PPARA: variants seen among roughly 807,000 people sequenced by gnomAD.
PPARA encodes the protein peroxisome proliferator activated receptor alpha.
A neutral mutation model predicts 42.2 loss-of-function variants in PPARA; 22 were observed. That is an observed-to-expected ratio of 0.52 (90% CI 0.37 to 0.74). The LOEUF (loss-of-function observed/expected upper bound fraction) is 0.74. Among genes scored for constraint, PPARA ranks in the 30% least tolerant of loss-of-function variants. PPARA has a pLI of 0.00. For missense variants in PPARA, 465 were observed against 608.2 expected (o/e 0.76, Z 2.48); for synonymous variants, 242 against 239.3 (o/e 1.01, Z -0.10).
chr22:46,175,185 T>C (rs1264595342), intron 2 of PPARA, among the ~76,000 whole-genome samples: 1 of 151,936 alleles, frequency 6.6e-6, no homozygotes, highest in African/African-American at 2.4e-5. Context: ...TTTTAGGAAA[T>C]AATACAGAGA....
At chr22:46,174,007 C>CCTGGCCAACATGGAGAAACCCCG (rs58905114) in intron 2 of PPARA, among the ~76,000 whole-genome samples, 1 of 148,090 alleles carries the variant, frequency 6.8e-6, no homozygotes, top group African/African-American at 2.5e-5. Context: ...GATCGAGACC[C>CCTGGCCAACATGGAGAAACCCCG]TCTCTACTAA....
At position 46,162,135 on chromosome 22, in the gene PPARA, ATTTTTC is replaced by A. The variant is rs1391135039; in HGVS notation, c.-127+10166_-127+10171del. On this transcript the variant is annotated intron_variant, in intron 2 of 8. Transcript: ENST00000407236. The surrounding 1 kb of genome is among the most constrained non-coding windows in gnomAD (Gnocchi z 6.0). ...CTTAGCAGCTCTCAGATGCAGACAG[ATTTTTC>A]AGCTGGCCTGTGGCTCAGTTTCCCT... 1.3e-5 allele frequency among the ~76,000 whole-genome samples: 2 copies of A among 152,154 alleles called. No homozygotes were observed. The highest frequency in any genetic ancestry group is 1.3e-4 in the Admixed American group (2 of 15,276).
In PPARA at chr22:46,195,451, T is replaced by C. The variant is rs1284646777; in HGVS notation, c.-42-2891T>C. Among the ~76,000 whole-genome samples the C allele has an allele frequency of 2.7e-5, 4 of 148,808 alleles. No homozygotes were observed. The highest frequency in any genetic ancestry group is 1.0e-4 in the African/African-American group (4 of 39,198). ...GAGAAAGAAAGTCTTCTAAACCCTA[T>C]GAAAGGTTAACAGTTCTCTTATTTT... is the stretch of plus-strand genomic sequence containing the variant. On this transcript the variant is annotated intron_variant, in intron 3 of 8. Coordinates refer to ENST00000407236, the MANE Select transcript of PPARA (RefSeq NM_005036.6). The surrounding 1 kb of genome is among the most constrained non-coding windows in gnomAD (Gnocchi z 4.6).
In PPARA at chr22:46,180,441, G is replaced by C. The variant is rs1929787832; in HGVS notation, c.-43+3605G>C. 6.6e-6 allele frequency among the ~76,000 whole-genome samples: 1 copy of C among 152,144 alleles called. No individual in the cohort carries two copies. The highest frequency in any genetic ancestry group is 1.5e-5 in the Non-Finnish European group (1 of 68,028). On this transcript the variant is annotated intron_variant, in intron 3 of 8. Coordinates refer to ENST00000407236, the MANE Select transcript of PPARA (RefSeq NM_005036.6). This position sits in a 1 kb window ranked among gnomAD's most constrained non-coding sequence, Gnocchi z 4.2. ...TTAAGAAAGAATATTAATTTTCCTTGTGTGAAACATTAATCTTATCTAGCC... is the reference window on the plus strand; with the variant it reads ...TTAAGAAAGAATATTAATTTTCCTTCTGTGAAACATTAATCTTATCTAGCC...
At chr22:46,201,119 C>T (rs1272401446) in intron 4 of PPARA, among the ~76,000 whole-genome samples, 3 of 143,858 alleles carry the variant, frequency 2.1e-5, no homozygotes, top group Non-Finnish European at 4.5e-5. Context: ...AGCAAGATTC[C>T]GTCTCAAAAA....
At position 46,219,789 on chromosome 22, in the gene PPARA, G is replaced by C; in HGVS notation, c.509-23G>C. The C allele has an allele frequency of 6.2e-7, 1 of 1,613,504 alleles. No individual in the cohort carries two copies. Among genetic ancestry groups the C allele is most frequent in the South Asian group, 1.1e-5 (1 of 90,988 alleles). ...AGTCATGACCTCACTGCTCATGCCT[G>C]TGTTTCCCCCTCCAAACCCTAGCGA... On this transcript the variant is annotated intron_variant, in intron 6 of 8. Coordinates refer to ENST00000407236, the MANE Select transcript of PPARA (RefSeq NM_005036.6). The surrounding 1 kb of genome is among the most constrained non-coding windows in gnomAD (Gnocchi z 4.8).
chr22:46,216,383 CAAAA>C lies in PPARA; in HGVS notation c.369+1061_369+1064del, dbSNP rs111225851. 7.6e-6 allele frequency among the ~76,000 whole-genome samples: 1 copy of C among 131,464 alleles called. No homozygotes were observed. The highest frequency in any genetic ancestry group is 1.6e-5 in the Non-Finnish European group (1 of 60,758). The allele number at this position is 131,464 out of a possible 152,430, so 86.2% of individuals were successfully genotyped here. A position where few individuals can be genotyped will look rare whatever the true frequency, so the allele number is the denominator to read the frequency against. The stretch of plus-strand genomic sequence containing the variant: ...AGGCGACAAGAGTAAAACTTCATCT[CAAAA>C]AAAAAAAAAAGAGAGAAAAGAAAAT... On this transcript the variant is annotated intron_variant, in intron 5 of 8. Transcript: ENST00000407236. This position sits in a 1 kb window ranked among gnomAD's most constrained non-coding sequence, Gnocchi z 4.5.
At chr22:46,185,673 T>A (rs1251676643) in intron 3 of PPARA, among the ~76,000 whole-genome samples, 1 of 151,252 alleles carries the variant, frequency 6.6e-6, no homozygotes, top group Non-Finnish European at 1.5e-5. Context: ...GGCAGGTGGA[T>A]CACCTGAGGT....
rs1322217574 is a variant in PPARA, at chr22:46,224,313, C to G, written c.711+4299C>G. Among the ~76,000 whole-genome samples, 2 of 152,206 alleles carry G rather than the reference C, an allele frequency of 1.3e-5. No homozygotes were observed. Among genetic ancestry groups the G allele is most frequent in the Non-Finnish European group, 2.9e-5 (2 of 68,038 alleles). The stretch of plus-strand genomic sequence containing the variant: ...CCTCTCTGCTTAGTCTGGGAAAAGG[C>G]CCCGTTGGCAGGATGCCCACCACCA... On this transcript the variant is annotated intron_variant, in intron 7 of 8. Transcript: ENST00000407236. The surrounding 1 kb of genome is among the most constrained non-coding windows in gnomAD (Gnocchi z 5.7).
Position 46,212,596 on chromosome 22 carries a change from T to G in PPARA, c.209-2577T>G, listed in dbSNP as rs534852071. On this transcript the variant is annotated intron_variant, in intron 4 of 8. Coordinates refer to ENST00000407236, the MANE Select transcript of PPARA (RefSeq NM_005036.6). The surrounding 1 kb of genome is among the most constrained non-coding windows in gnomAD (Gnocchi z 4.2). Reference sequence around the variant, plus strand: ...ATCCATGTCTTTCCATGGCTTGATATCTCATTTCTTTTTACACTGAATGAG... The same window carrying G: ...ATCCATGTCTTTCCATGGCTTGATAGCTCATTTCTTTTTACACTGAATGAG... Among the ~76,000 whole-genome samples the G allele has an allele frequency of 1.3e-5, 2 of 152,350 alleles. No individual in the cohort carries two copies. Among genetic ancestry groups the G allele is most frequent in the Admixed American group, 6.5e-5 (1 of 15,296 alleles).
At chr22:46,159,138 C>T (rs566059541) in intron 2 of PPARA, among the ~76,000 whole-genome samples, 3 of 152,040 alleles carry the variant, frequency 2.0e-5, no homozygotes, top group Non-Finnish European at 4.4e-5. Flanking sequence ...GTGATCTGCC[C>T]GCCTCAGCCA....
At chr22:46,208,112 GTTTAATT>G (rs1343690667) in intron 4 of PPARA, among the ~76,000 whole-genome samples, 5 of 151,972 alleles carry the variant, frequency 3.3e-5, no homozygotes, top group African/African-American at 7.3e-5. Context: ...ATTAATTTTA[GTTTAATT>G]TTTAATTGAC....
At chr22:46,158,935 G>A (rs1925728619) in intron 2 of PPARA, among the ~76,000 whole-genome samples, 1 of 152,106 alleles carries the variant, frequency 6.6e-6, no homozygotes, top group Non-Finnish European at 1.5e-5. Context: ...TGCTGCCCAG[G>A]CTGGAGTGCA....
intron 4 of PPARA, among the ~76,000 whole-genome samples, chr22:46,199,977 C>T (rs1049326493): frequency 6.6e-6 from 1 of 152,214 alleles, no homozygotes; most frequent in Admixed American, 6.5e-5. Context: ...CCTGCCTCAG[C>T]CTCCCAAAGT....
intron 3 of PPARA, among the ~76,000 whole-genome samples, chr22:46,194,090 G>A (rs1931904161): frequency 6.6e-6 from 1 of 152,238 alleles, no homozygotes; most frequent in South Asian, 2.1e-4. Context: ...GGCGTGCAGG[G>A]TGGGGCAGGT....
rs1935557450 is a variant in PPARA at position 46,227,584 on chromosome 22, G to A, written c.712-4208G>A. Among the ~76,000 whole-genome samples, 1 of 152,166 alleles carries A rather than the reference G, an allele frequency of 6.6e-6. No individual in the cohort carries two copies. Among genetic ancestry groups the A allele is most frequent in the Non-Finnish European group, 1.5e-5 (1 of 68,030 alleles). ...AATTTTTTGCAAAAAGATGACAGCT[G>A]CTAACAGAGATGAATTCTCATGAGT... On this transcript the variant is annotated intron_variant, in intron 7 of 8. Transcript: ENST00000407236. This position sits in a 1 kb window ranked among gnomAD's most constrained non-coding sequence, Gnocchi z 4.3.
Position 46,205,519 on chromosome 22 carries a change from CATATATATATATAT to C in PPARA, c.208+6951_208+6964del, listed in dbSNP as rs552533545. The stretch of plus-strand genomic sequence containing the variant: ...ACAGGCGTGAGCCACCATGCCCAGC[CATATATATATATAT>C]ATATATATATATATATATATATTTT... On this transcript the variant is annotated intron_variant, in intron 4 of 8. Transcript: ENST00000407236. Among the ~76,000 whole-genome samples, 113 of 34,430 alleles carry C rather than the reference CATATATATATATAT, an allele frequency of 3.3e-3. 2 individuals carry two copies. The highest frequency in any genetic ancestry group is 0.011 in the African/African-American group (95 of 8,392). 22.6% of individuals were successfully genotyped at this position (34,430 alleles called of 152,430 possible). A position where few individuals can be genotyped will look rare whatever the true frequency, so the allele number is the denominator to read the frequency against.
rs1241253365 is a variant in PPARA at position 46,193,253 on chromosome 22, G to T, written c.-42-5089G>T. Reference sequence around the variant, plus strand: ...GGCTAATGTTTGTATTTTTAGTAGGGACCGGGTTTCACCAGGTTGAACAGG... The same window carrying T: ...GGCTAATGTTTGTATTTTTAGTAGGTACCGGGTTTCACCAGGTTGAACAGG... On this transcript the variant is annotated intron_variant, in intron 3 of 8. Transcript: ENST00000407236. This position sits in a 1 kb window ranked among gnomAD's most constrained non-coding sequence, Gnocchi z 5.3. 6.6e-6 allele frequency among the ~76,000 whole-genome samples: 1 copy of T among 152,140 alleles called. No individual in the cohort carries two copies. The highest frequency in any genetic ancestry group is 1.5e-5 in the Non-Finnish European group (1 of 68,042).
Position 46,161,173 on chromosome 22 carries a change from C to T in PPARA, c.-127+9203C>T, listed in dbSNP as rs909327081. Among the ~76,000 whole-genome samples the T allele has an allele frequency of 3.9e-5, 6 of 152,216 alleles. No homozygotes were observed. The highest frequency in any genetic ancestry group is 1.4e-4 in the African/African-American group (6 of 41,538). ...TGGACTCATAAAAAGAGCTCAAAAC[C>T]TAGGAAGTGGATGGAGACTCTTTTT... On this transcript the variant is annotated intron_variant, in intron 2 of 8. Transcript: ENST00000407236. This position sits in a 1 kb window ranked among gnomAD's most constrained non-coding sequence, Gnocchi z 4.8.
Sources: gnomAD v4.1 joint callset for allele counts (sites outside exome capture counted in the v4.1 genomes callset) on GRCh38, gnomAD v4.1.1 for gene constraint, Gnocchi (gnomAD v3.1) non-coding constraint, MANE v1.5 for transcripts, NCBI Gene and HGNC (gene_info 2026-07-23, HGNC 2026-07-21) for gene names.